The following C12orf75 variants were observed in gnomAD, a reference collection of about 807,000 sequenced individuals.
The protein encoded by C12orf75 is chromosome 12 open reading frame 75.
A neutral mutation model predicts 11.4 loss-of-function variants in C12orf75; 4 were observed. The ratio of observed to expected loss-of-function variants is 0.35; its 90% confidence interval spans 0.17 to 0.80. The LOEUF (loss-of-function observed/expected upper bound fraction) is 0.80. Ranked by LOEUF, C12orf75 falls within the 30% of genes least tolerant of loss-of-function variation. C12orf75 has a pLI of 0.52. For missense variants in C12orf75, 89 were observed against 80.4 expected (o/e 1.11, Z -0.41); for synonymous variants, 30 against 30.0 (o/e 1.00, Z 0.00).
chr12:105,354,170 G>A (rs936553099), intron 2 of C12orf75, among the ~76,000 whole-genome samples: 6 of 152,130 alleles, frequency 3.9e-5, no homozygotes, highest in Non-Finnish European at 7.4e-5. Context: ...GGTTGAAGTA[G>A]CATTGAAAAA....
rs182027854 is a variant in C12orf75 at position 105,366,254 on chromosome 12, C to T, written c.108-363C>T. 17 of 269,230 alleles carry T rather than the reference C, an allele frequency of 6.3e-5. No individual in the cohort carries two copies. In the Admixed American group the frequency reaches 8.3e-4, roughly 13 times the overall value. The allele number at this position is 269,230 out of a possible 1,614,324, so 16.7% of individuals were successfully genotyped here. On this transcript the variant is annotated intron_variant, in intron 3 of 5. Transcript: ENST00000443585. ...AGATATCTTTGTGTGTCCATAATGC[C>T]TAATATCATACCATGTTGACCACTC... is the stretch of plus-strand genomic sequence containing the variant.
chr12:105,366,669 T>C lies in C12orf75; in HGVS notation c.160T>C (p.Ser54Pro). 1 of 1,541,346 alleles carries C rather than the reference T, an allele frequency of 6.5e-7. No individual in the cohort carries two copies. The highest frequency in any genetic ancestry group is 1.2e-5 in the South Asian group (1 of 83,724). ...GLPSEAVNMV[S>P]SQTKTVRKN ...ACCATCTGAAGCTGTCAATATGGTGTCCAGTCAAACAAAGACGGTTCGGAA... is the reference window on the plus strand; with the variant it reads ...ACCATCTGAAGCTGTCAATATGGTGCCCAGTCAAACAAAGACGGTTCGGAA... Residue 54 changes from serine (S) to proline (P), a missense_variant, in exon 4 of 6, where the codon TCC (serine) becomes CCC (proline). Ser to Pro is a moderately conservative substitution (Grantham distance 74). Coordinates refer to ENST00000443585, the MANE Select transcript of C12orf75 (RefSeq NM_001145199.2).
chr12:105,335,588 A>C (rs1211835918), intron 1 of C12orf75, among the ~76,000 whole-genome samples: 1 of 151,846 alleles, frequency 6.6e-6, no homozygotes, highest in Non-Finnish European at 1.5e-5. Flanking sequence ...CCCCTCCCCC[A>C]AATGGAGGCC....
At chr12:105,358,613 C>T (rs980374276) in intron 2 of C12orf75, among the ~76,000 whole-genome samples, 1 of 152,182 alleles carries the variant, frequency 6.6e-6, no homozygotes, top group Non-Finnish European at 1.5e-5. Context: ...TTCAGTCTTA[C>T]ATTTTTTCAA....
At chr12:105,359,969 C>T (rs1462794686) in intron 2 of C12orf75, among the ~76,000 whole-genome samples, 2 of 152,046 alleles carry the variant, frequency 1.3e-5, no homozygotes, top group East Asian at 1.9e-4. Flanking sequence ...TTTCAGCCAC[C>T]GTGAATTGGC....
intron 1 of C12orf75, among the ~76,000 whole-genome samples, chr12:105,337,431 C>T (rs1892510910): frequency 6.6e-6 from 1 of 152,098 alleles, no homozygotes; most frequent in African/African-American, 2.4e-5. Flanking sequence ...ACCTGTCTCT[C>T]TGAGAATTCG....
At chr12:105,332,201 C>G (rs555585877) in intron 1 of C12orf75, among the ~76,000 whole-genome samples, 75 of 152,218 alleles carry the variant, frequency 4.9e-4, no homozygotes, top group African/African-American at 1.6e-3. Flanking sequence ...GGGCCACACC[C>G]CGCACTCAAA....
intron 2 of C12orf75, among the ~76,000 whole-genome samples, chr12:105,355,415 G>A (rs1005145152): frequency 3.3e-5 from 5 of 152,074 alleles, no homozygotes; most frequent in African/African-American, 7.2e-5. Flanking sequence ...TGATCCGCCC[G>A]CCTTGGCCTC....
At chr12:105,333,270 T>C (rs1317873518) in intron 1 of C12orf75, among the ~76,000 whole-genome samples, 1 of 152,150 alleles carries the variant, frequency 6.6e-6, no homozygotes, top group East Asian at 1.9e-4. Context: ...GGAATTTAGG[T>C]TCAGAGAGGA....
chr12:105,351,783 G>T (rs1023731040), intron 2 of C12orf75, among the ~76,000 whole-genome samples: 1 of 152,182 alleles, frequency 6.6e-6, no homozygotes, highest in East Asian at 1.9e-4. Context: ...GGGCAGAAGT[G>T]AAAGATGAGG....
chr12:105,359,475 A>G (rs933375634), intron 2 of C12orf75, among the ~76,000 whole-genome samples: 1 of 152,014 alleles, frequency 6.6e-6, no homozygotes, highest in African/African-American at 2.4e-5. Flanking sequence ...ATTATTTAGC[A>G]GTGGATTATT....
chr12:105,332,077 T>G (rs1175573257), intron 1 of C12orf75, among the ~76,000 whole-genome samples: 1 of 152,120 alleles, frequency 6.6e-6, no homozygotes, highest in Non-Finnish European at 1.5e-5. Flanking sequence ...AGAGCGAACT[T>G]TTTAGATTCA....
chr12:105,367,487 C>A lies in C12orf75; in HGVS notation c.*11C>A. The A allele has an allele frequency of 1.2e-6, 1 of 832,898 alleles. No individual in the cohort carries two copies. The highest frequency in any genetic ancestry group is 1.8e-6 in the Non-Finnish European group (1 of 544,742). The allele number at this position is 832,898 out of a possible 1,614,324, so 51.6% of individuals were successfully genotyped here. On this transcript the variant is annotated 3_prime_UTR_variant, in exon 5 of 6. Coordinates refer to ENST00000443585, the MANE Select transcript of C12orf75 (RefSeq NM_001145199.2). ...TCTCTTTAAGATTAGAAGAAAATAACATCATGACTCAAGAATCAAGAGGTG... is the reference window on the plus strand; with the variant it reads ...TCTCTTTAAGATTAGAAGAAAATAAAATCATGACTCAAGAATCAAGAGGTG...
chr12:105,359,623 T>TA (rs1166394519), intron 2 of C12orf75, among the ~76,000 whole-genome samples: 2 of 151,916 alleles, frequency 1.3e-5, no homozygotes, highest in African/African-American at 4.8e-5. Context: ...ATACAAAAAT[T>TA]ACTCAGGCGT....
At chr12:105,363,995 A>G (rs1871384239) in intron 2 of C12orf75, among the ~76,000 whole-genome samples, 1 of 152,246 alleles carries the variant, frequency 6.6e-6, no homozygotes, top group Non-Finnish European at 1.5e-5. Flanking sequence ...AAAACCTTGA[A>G]TATATCCTTA....
chr12:105,367,991 T>G (rs1023805723), intron 5 of C12orf75, among the ~76,000 whole-genome samples: 3 of 152,214 alleles, frequency 2.0e-5, no homozygotes, highest in Non-Finnish European at 4.4e-5. Flanking sequence ...ATATTGATTC[T>G]AATCTAACTG....
intron 5 of C12orf75, among the ~76,000 whole-genome samples, chr12:105,367,800 A>C (rs369435936): frequency 9.2e-5 from 14 of 152,140 alleles, no homozygotes; most frequent in African/African-American, 3.4e-4. Flanking sequence ...TCATTGCAGA[A>C]ATCTTTGAGG....
At chr12:105,361,028 G>T (rs1168318277) in intron 2 of C12orf75, among the ~76,000 whole-genome samples, 6 of 152,138 alleles carry the variant, frequency 3.9e-5, no homozygotes. Flanking sequence ...CGCCTGTCTC[G>T]GCCTTCCAAA....
intron 1 of C12orf75, among the ~76,000 whole-genome samples, chr12:105,338,595 T>C (rs1892525793): frequency 6.6e-6 from 1 of 152,200 alleles, no homozygotes; most frequent in African/African-American, 2.4e-5. Context: ...GGCTCGTGGT[T>C]CTGCAGCCTG....
Sources: gnomAD v4.1 joint callset for allele counts (sites outside exome capture counted in the v4.1 genomes callset) on GRCh38, gnomAD v4.1.1 for gene constraint, MANE v1.5 for transcripts, NCBI Gene and HGNC (gene_info 2026-07-23, HGNC 2026-07-21) for gene names.